RET: variants seen among roughly 807,000 people sequenced by gnomAD.
RET encodes ret proto-oncogene.
A neutral mutation model predicts 118.3 loss-of-function variants in RET; 19 were observed. The ratio of observed to expected loss-of-function variants is 0.16; its 90% CI spans 0.11 to 0.24. RET has a LOEUF of 0.24. Among genes scored for constraint, RET ranks in the 10% least tolerant of loss-of-function variants. The probability of loss-of-function intolerance (pLI) is 1.00; values close to 1 mark genes in which losing one functional copy is unlikely to be tolerated. For missense variants in RET, 1,219 were observed against 1,502.1 expected (o/e 0.81, Z 3.12); for synonymous variants, 597 against 644.1 (o/e 0.93, Z 1.11).
chr10:43,080,992 G>T (rs1837167370), intron 1 of RET, among the ~76,000 whole-genome samples: 1 of 152,214 alleles, frequency 6.6e-6, no homozygotes, highest in South Asian at 2.1e-4. Context: ...AGGGATGGGG[G>T]TACAGCTGTG....
intron 1 of RET, among the ~76,000 whole-genome samples, chr10:43,091,435 C>T (rs1007882542): frequency 1.3e-5 from 2 of 152,048 alleles, no homozygotes; most frequent in African/African-American, 4.8e-5. Context: ...TCGAAAGCAG[C>T]CTAGCCAACA....
intron 13 of RET, 81 bp from the exon 14 acceptor site, chr10:43,119,450 C>T (rs891595020): frequency 8.0e-7 from 1 of 1,251,302 alleles, no homozygotes; most frequent in Non-Finnish European, 1.1e-6. Flanking sequence ...GCCTGGGGAC[C>T]CTGCGGCCTC....
chr10:43,080,464 G>T (rs1466945280), intron 1 of RET, among the ~76,000 whole-genome samples: 1 of 152,254 alleles, frequency 6.6e-6, no homozygotes, highest in African/African-American at 2.4e-5. Context: ...TGAGGAAACA[G>T]GTTCTCATAG....
At chr10:43,111,498 G>T in intron 7 of RET, 33 bp downstream of exon 7, 1 of 1,598,346 alleles carries the variant, frequency 6.3e-7, no homozygotes, top group Admixed American at 1.7e-5. Flanking sequence ...GAGGGTCGGG[G>T]TCCTGGGGGC....
chr10:43,116,828 C>T (rs1315217642), intron 12 of RET, 97 bp downstream of exon 12: 4 of 1,469,426 alleles, frequency 2.7e-6, no homozygotes, highest in Non-Finnish European at 3.7e-6. Context: ...TGAAGAGCCC[C>T]CAATGCTGTT....
chr10:43,115,193 A>G (rs1039477725), intron 11 of RET, among the ~76,000 whole-genome samples: 4 of 152,182 alleles, frequency 2.6e-5, no homozygotes, highest in South Asian at 2.1e-4. Context: ...GCTGGAAGCC[A>G]AGCCCAGTTC....
chr10:43,128,362 G>T lies in RET; in HGVS notation c.*93G>T. ...CCCTTTCTTTGTGAACGTCACATTG[G>T]CCGAGCCGTGTTCAGTTCCCAGGTG... On this transcript the variant is annotated 3_prime_UTR_variant, in exon 20 of 20. Coordinates refer to ENST00000355710, the MANE Select transcript of RET (RefSeq NM_020975.6). 6.8e-7 allele frequency: 1 copy of T among 1,476,672 alleles called. No individual in the cohort carries two copies. 91.5% of individuals were successfully genotyped at this position (1,476,672 alleles called of 1,614,324 possible).
intron 5 of RET, among the ~76,000 whole-genome samples, chr10:43,107,340 C>T (rs1035987802): frequency 6.6e-6 from 1 of 152,160 alleles, no homozygotes; most frequent in African/African-American, 2.4e-5. Context: ...GCCAGAGTGC[C>T]CCTCCCATCA....
At chr10:43,090,341 G>A (rs1275128403) in intron 1 of RET, among the ~76,000 whole-genome samples, 1 of 152,224 alleles carries the variant, frequency 6.6e-6, no homozygotes, top group Admixed American at 6.5e-5. Context: ...GTCCAGTAGT[G>A]GCTGCCCGGG....
chr10:43,084,572 G>T (rs1588852963), intron 1 of RET, among the ~76,000 whole-genome samples: 2 of 152,350 alleles, frequency 1.3e-5, no homozygotes, highest in African/African-American at 4.8e-5. Flanking sequence ...TTGCCATACA[G>T]CTGACTTTGC....
rs1416867855 is a variant in RET, at chr10:43,128,332, A to G, written c.*63A>G. 1.3e-6 allele frequency: 2 copies of G among 1,587,168 alleles called. No homozygotes were observed. The highest frequency in any genetic ancestry group is 2.7e-5 in the African/African-American group (2 of 74,378). ...GAAACATGCTGAGAATGGAAAGTCT[A>G]CCGGCCCTTTCTTTGTGAACGTCAC... On this transcript the variant is annotated 3_prime_UTR_variant, in exon 20 of 20. Coordinates refer to ENST00000355710, the MANE Select transcript of RET (RefSeq NM_020975.6).
intron 15 of RET, 80 bp from the exon 16 acceptor site, chr10:43,121,866 T>G: frequency 9.5e-7 from 1 of 1,051,094 alleles, no homozygotes; most frequent in Non-Finnish European, 1.5e-6. Flanking sequence ...AGCTCAGGGA[T>G]AGGGCCTGGC....
intron 6 of RET, 48 bp from the exon 7 acceptor site, chr10:43,111,159 C>T (rs1837910076): frequency 6.2e-7 from 1 of 1,609,800 alleles, no homozygotes; most frequent in Non-Finnish European, 8.5e-7. Context: ...CAGGCCATTA[C>T]AGGCCGGTCC....
chr10:43,079,400 C>T (rs1000762071), intron 1 of RET, among the ~76,000 whole-genome samples: 13 of 152,182 alleles, frequency 8.5e-5, no homozygotes, highest in African/African-American at 2.9e-4. Flanking sequence ...GCCTGTCAGC[C>T]CCAGGTATGC....
At position 43,105,062 on chromosome 10, in the gene RET, C is replaced by T. The variant is rs780756440; in HGVS notation, c.736C>T (p.His246Tyr). 2 of 1,609,634 alleles carry T rather than the reference C, an allele frequency of 1.2e-6. No homozygotes were observed. The highest frequency in any genetic ancestry group is 1.3e-5 in the African/African-American group (1 of 74,926). Residue 246 changes from histidine to tyrosine, a missense_variant, in exon 4 of 20, where the codon CAC (histidine) becomes TAC (tyrosine). Physicochemically the swap from His to Tyr is moderately conservative, Grantham distance 83. Around this residue, in one of 5 missense-constraint regions of RET, gnomAD observed 850 missense variants for 969.6 expected, o/e 0.88. Transcript: ENST00000355710. ...CGAGCTGGTGGCCGTGTGCACCGTG[C>T]ACGCCGGCGCGCGCGAGGAGGTGGT... ...KYELVAVCTV[H>Y]AGAREEVVMV... is the part of the protein sequence containing the mutation.
At chr10:43,090,732 T>C (rs1837392587) in intron 1 of RET, among the ~76,000 whole-genome samples, 1 of 151,842 alleles carries the variant, frequency 6.6e-6, no homozygotes, top group East Asian at 1.9e-4. Flanking sequence ...AAAACCTTTT[T>C]TGCGCACCCA....
chr10:43,101,924 G>A (rs1037618987), intron 2 of RET, among the ~76,000 whole-genome samples: 1 of 152,208 alleles, frequency 6.6e-6, no homozygotes. Context: ...ATGGCGCTTC[G>A]GTGATGGAAC....
At chr10:43,078,275 C>A (rs1837096329) in intron 1 of RET, among the ~76,000 whole-genome samples, 1 of 152,212 alleles carries the variant, frequency 6.6e-6, no homozygotes, top group African/African-American at 2.4e-5. Context: ...ACCAAGTTTC[C>A]CTCTAAGAGG....
chr10:43,087,870 G>A (rs1236736854), intron 1 of RET, among the ~76,000 whole-genome samples: 1 of 152,226 alleles, frequency 6.6e-6, no homozygotes, highest in African/African-American at 2.4e-5. Flanking sequence ...TGATGAGAGT[G>A]GTAGGGATAG....
Sources: allele counts gnomAD v4.1 joint callset (sites outside exome capture counted in the v4.1 genomes callset), GRCh38; gene constraint gnomAD v4.1.1; regional missense constraint gnomAD v4.1.1; transcripts MANE v1.5; gene names NCBI Gene and HGNC (gene_info 2026-07-23, HGNC 2026-07-21).